TENM3: variants seen among roughly 807,000 people sequenced by gnomAD.
TENM3 encodes teneurin-3.
Under a neutral mutation model 255.1 loss-of-function variants are expected in TENM3, and 63 were observed. The ratio of observed to expected loss-of-function variants is 0.25; its 90% CI spans 0.20 to 0.30. TENM3 has a LOEUF of 0.30. TENM3 is among the 10% of genes least tolerant of loss of function. TENM3 has a pLI of 1.00. For missense variants in TENM3, 2,929 were observed against 3,461.1 expected (o/e 0.85, Z 3.86); for synonymous variants, 1,306 against 1,322.3 (o/e 0.99, Z 0.27).
chr4:181,957,319 AT>A, the TENM3 span, among the ~76,000 whole-genome samples: 1 of 152,170 alleles, frequency 6.6e-6, no homozygotes, highest in African/African-American at 2.4e-5. Context: ...TTAATGACCG[AT>A]TGTTATCTTA....
intron 19 of TENM3, among the ~76,000 whole-genome samples, chr4:182,743,835 T>A (rs936591062): frequency 6.6e-6 from 1 of 152,204 alleles, no homozygotes; most frequent in African/African-American, 2.4e-5. Flanking sequence ...GGCTACAACT[T>A]TTAACTAGAA....
At chr4:182,324,381 A>T in intron 2 of TENM3, 129 bp downstream of exon 2, 1 of 710,526 alleles carries the variant, frequency 1.4e-6, no homozygotes, top group South Asian at 1.7e-5. Context: ...TGATTTTGAG[A>T]TATTAGATCA....
intron 3 of TENM3, among the ~76,000 whole-genome samples, chr4:182,542,674 C>T (rs1315742329): frequency 6.6e-6 from 1 of 152,172 alleles, no homozygotes; most frequent in Non-Finnish European, 1.5e-5. Context: ...TCCGTGTACT[C>T]TTTCATGATG....
chr4:182,791,336 G>T (rs1278305977), intron 25 of TENM3, among the ~76,000 whole-genome samples: 1 of 152,206 alleles, frequency 6.6e-6, no homozygotes, highest in Non-Finnish European at 1.5e-5. Context: ...GGCCCAGCGG[G>T]TTAGAGGAAG....
At chr4:182,110,098 A>T in the TENM3 span, among the ~76,000 whole-genome samples, 1 of 134,124 alleles carries the variant, frequency 7.5e-6, no homozygotes, top group East Asian at 2.4e-4. Flanking sequence ...TGGGAGACAG[A>T]GCGAGACTCT....
chr4:182,206,207 C>T (rs1391961704), intron 1 of TENM3, among the ~76,000 whole-genome samples: 2 of 152,100 alleles, frequency 1.3e-5, no homozygotes, highest in Non-Finnish European at 2.9e-5. Context: ...GGATAATTAC[C>T]TCCCTCCTCA....
chr4:181,489,135 T>A, the TENM3 span, among the ~76,000 whole-genome samples: 1 of 152,342 alleles, frequency 6.6e-6, no homozygotes, highest in Non-Finnish European at 1.5e-5. Flanking sequence ...ATTCTGTAAA[T>A]GCCCAGTGTT....
At chr4:182,273,064 G>A (rs1270460581) in intron 1 of TENM3, among the ~76,000 whole-genome samples, 1 of 152,220 alleles carries the variant, frequency 6.6e-6, no homozygotes, top group African/African-American at 2.4e-5. Flanking sequence ...GAAGATGGTT[G>A]TAACTGGGAT....
chr4:182,725,436 A>G (rs1760085012), intron 13 of TENM3, among the ~76,000 whole-genome samples: 2 of 152,038 alleles, frequency 1.3e-5, no homozygotes, highest in South Asian at 4.1e-4. Context: ...AGAGAGGGAG[A>G]AAAAATGTTT....
chr4:182,547,540 G>A lies in TENM3; in HGVS notation c.512-53384G>A, dbSNP rs562413203. On this transcript the variant is annotated intron_variant, in intron 3 of 27. Transcript: ENST00000511685. Reference sequence around the variant, plus strand: ...GTCCATCAGTTATTGAACATATTACGTCACCTCCGCCCCATCCCATCTTCA... The same window carrying A: ...GTCCATCAGTTATTGAACATATTACATCACCTCCGCCCCATCCCATCTTCA... Among the ~76,000 whole-genome samples the A allele has an allele frequency of 1.2e-4, 18 of 151,770 alleles. No individual in the cohort carries two copies. The South Asian group carries it at 3.5e-3, about 30-fold the overall frequency.
At chr4:182,648,261 G>T (rs1752928547) in intron 5 of TENM3, among the ~76,000 whole-genome samples, 1 of 150,904 alleles carries the variant, frequency 6.6e-6, no homozygotes, top group Non-Finnish European at 1.5e-5. Context: ...TAGCTATGCT[G>T]GGTGTTAGAT....
chr4:182,566,704 T>C (rs531095477), intron 3 of TENM3, among the ~76,000 whole-genome samples: 14 of 152,366 alleles, frequency 9.2e-5, no homozygotes, highest in African/African-American at 3.4e-4. Context: ...AATGTCATTA[T>C]GCATTTACAA....
chr4:182,518,528 T>C (rs1432055171), intron 3 of TENM3, among the ~76,000 whole-genome samples: 1 of 150,558 alleles, frequency 6.6e-6, no homozygotes, highest in Non-Finnish European at 1.5e-5. Flanking sequence ...AAAAAAAAAA[T>C]AGCAAACTGC....
chr4:182,033,646 C>T, the TENM3 span, among the ~76,000 whole-genome samples: 30 of 152,054 alleles, frequency 2.0e-4, no homozygotes, highest in African/African-American at 6.0e-4. Flanking sequence ...GCTAAAGTCT[C>T]CCACTATTAT....
Position 182,522,148 on chromosome 4 carries a change from T to G in TENM3, c.512-78776T>G, listed in dbSNP as rs953671462. Among the ~76,000 whole-genome samples, 6 of 152,212 alleles carry G rather than the reference T, an allele frequency of 3.9e-5. No individual in the cohort carries two copies. The East Asian group carries it at 9.6e-4, about 24-fold the overall frequency. Reference sequence around the variant, plus strand: ...TGATCTAATCAGGGTAATTGGGATATCCAGCACCTTAAACATTAATTTTTT... The same window carrying G: ...TGATCTAATCAGGGTAATTGGGATAGCCAGCACCTTAAACATTAATTTTTT... On this transcript the variant is annotated intron_variant, in intron 3 of 27. Transcript: ENST00000511685.
chr4:181,798,954 T>A, the TENM3 span, among the ~76,000 whole-genome samples: 1 of 152,156 alleles, frequency 6.6e-6, no homozygotes, highest in African/African-American at 2.4e-5. Context: ...GAAAAAGAAG[T>A]GATGCATAAA....
the TENM3 span, among the ~76,000 whole-genome samples, chr4:181,907,671 G>C: frequency 1.3e-5 from 2 of 152,060 alleles, no homozygotes; most frequent in African/African-American, 4.8e-5. Flanking sequence ...ACAAGACAGC[G>C]CCATTGCCCT....
At chr4:182,586,153 A>T (rs1349768383) in intron 3 of TENM3, among the ~76,000 whole-genome samples, 2 of 152,166 alleles carry the variant, frequency 1.3e-5, no homozygotes, top group African/African-American at 2.4e-5. Context: ...GCTACTCAGG[A>T]TGGTGAGGTG....
rs1750495540 is a variant in TENM3, at chr4:182,153,647, AGAG to A, written c.-76+8896_-76+8898del. ...TTGTGACAAATGAGAGATCTGAAGG[AGAG>A]GACTGAGTGCTTGTTCTATGAGATG... is the stretch of plus-strand genomic sequence containing the variant. On this transcript the variant is annotated intron_variant, in intron 1 of 2. Transcript: ENST00000512480. 2.0e-5 allele frequency among the ~76,000 whole-genome samples: 3 copies of A among 152,280 alleles called. No individual in the cohort carries two copies. In the South Asian group the frequency reaches 6.2e-4, roughly 32 times the overall value.
Sources: allele counts gnomAD v4.1 joint callset (sites outside exome capture counted in the v4.1 genomes callset), GRCh38; gene constraint gnomAD v4.1.1; transcripts MANE v1.5; gene names NCBI Gene and HGNC (gene_info 2026-07-23, HGNC 2026-07-21).